CADM1: variants seen among roughly 807,000 people sequenced by gnomAD.
The protein encoded by CADM1 is TSLC-1.
A neutral mutation model predicts 53.1 loss-of-function variants in CADM1; 15 were observed. The ratio of observed to expected loss-of-function variants is 0.28; its 90% confidence interval spans 0.19 to 0.44. CADM1 has a LOEUF of 0.44. Ranked by LOEUF, CADM1 falls within the 20% of genes least tolerant of loss-of-function variation. CADM1 has a pLI of 1.00. For synonymous variants in CADM1, 281 were observed against 243.0 expected, an observed-to-expected ratio of 1.16 and a Z score of -1.45; for missense variants, 434 against 611.3, an observed-to-expected ratio of 0.71 and a Z score of 3.06.
At chr11:115,325,582 G>A (rs12270307) in intron 1 of CADM1, among the ~76,000 whole-genome samples, 2,152 of 152,038 alleles carry the variant, frequency 0.014, 52 homozygotes, top group African/African-American at 0.048. Flanking sequence ...ACTTCTACTC[G>A]GCACAATTAC....
At chr11:115,318,635 C>T (rs928637277) in intron 1 of CADM1, among the ~76,000 whole-genome samples, 3 of 151,932 alleles carry the variant, frequency 2.0e-5, no homozygotes, top group Admixed American at 2.0e-4. Flanking sequence ...ATAGTGAAGA[C>T]GGGTAGAAGG....
intron 1 of CADM1, among the ~76,000 whole-genome samples, chr11:115,244,077 C>T (rs1057135084): frequency 2.0e-5 from 3 of 152,154 alleles, no homozygotes; most frequent in Non-Finnish European, 4.4e-5. Flanking sequence ...ATTTGCCAGA[C>T]GATTCCTAAA....
chr11:115,399,691 C>CT (rs1565406850), intron 1 of CADM1, among the ~76,000 whole-genome samples: 1 of 152,064 alleles, frequency 6.6e-6, no homozygotes, highest in South Asian at 2.1e-4. Flanking sequence ...CATCCTCATT[C>CT]TTTTTTTAAC....
At chr11:115,297,939 T>A (rs7115100) in intron 1 of CADM1, among the ~76,000 whole-genome samples, 2 of 152,206 alleles carry the variant, frequency 1.3e-5, no homozygotes, top group African/African-American at 2.4e-5. Flanking sequence ...ACCTCTGGAC[T>A]GCACTGCATG....
chr11:115,394,310 T>C (rs1431816271), intron 1 of CADM1, among the ~76,000 whole-genome samples: 2 of 152,224 alleles, frequency 1.3e-5, no homozygotes, highest in African/African-American at 4.8e-5. Flanking sequence ...AGCAAACCTA[T>C]TACTTTTCTT....
chr11:115,251,152 C>T (rs2134972764), intron 1 of CADM1, among the ~76,000 whole-genome samples: 1 of 152,308 alleles, frequency 6.6e-6, no homozygotes, highest in Middle Eastern at 3.4e-3. Context: ...GATGTCTGTT[C>T]TGCCAAAGGA....
At chr11:115,223,082 T>C (rs774391226) in intron 5 of CADM1, among the ~76,000 whole-genome samples, 12 of 152,288 alleles carry the variant, frequency 7.9e-5, no homozygotes, top group Middle Eastern at 3.4e-3. Context: ...AATAAGTGAA[T>C]GAGAAAGTGA....
chr11:115,453,749 T>A (rs1300388495), intron 1 of CADM1, among the ~76,000 whole-genome samples: 1 of 152,118 alleles, frequency 6.6e-6, no homozygotes, highest in East Asian at 1.9e-4. Context: ...TCTGCCCACC[T>A]CGCCCTCCCA....
At position 115,504,374 on chromosome 11, in the gene CADM1, C is replaced by T. The variant is rs1397691387; in HGVS notation, c.21G>A (p.Pro7=). The change falls in exon 1 of 12, where the codon CCG becomes CCA. Residue 7 remains proline (P), a synonymous_variant. Transcript: ENST00000331581. ...CTGCCGCCGCACACTGGGATCCGCT[C>T]GGCAGCACTACACTCGCCATGTCGG... The part of the protein sequence containing the change: MASVVL[P]SGSQCAAAAA... The T allele has an allele frequency of 3.9e-6, 6 of 1,547,482 alleles. No individual in the cohort carries two copies. The East Asian group carries it at 7.3e-5, about 19-fold the overall frequency.
At chr11:115,281,162 C>G (rs906512534) in intron 1 of CADM1, among the ~76,000 whole-genome samples, 11 of 152,236 alleles carry the variant, frequency 7.2e-5, no homozygotes, top group Admixed American at 7.2e-4. Flanking sequence ...TATCTTTTTG[C>G]CTGAGCATTC....
chr11:115,469,876 T>G (rs1488904561), intron 1 of CADM1, among the ~76,000 whole-genome samples: 2 of 152,174 alleles, frequency 1.3e-5, no homozygotes, highest in Non-Finnish European at 2.9e-5. Flanking sequence ...TTCGCCATGT[T>G]GGCCAGGCTG....
At chr11:115,209,423 T>C in intron 8 of CADM1, 151 bp downstream of exon 8, 1 of 1,175,564 alleles carries the variant, frequency 8.5e-7, no homozygotes, top group Non-Finnish European at 1.2e-6. Flanking sequence ...AGATTCAACT[T>C]AAGAACATAG....
chr11:115,504,126 C>T lies in CADM1; in HGVS notation c.124+145G>A, dbSNP rs944834031. On this transcript the variant is annotated intron_variant, in intron 1 of 11. Coordinates refer to ENST00000331581, the MANE Select transcript of CADM1 (RefSeq NM_001301043.2). ...ATGCCCTCAGCCCCTTCCCTCTCAG[C>T]CCTGAGTTTCCTCTCCACACTCCCT... 7.3e-6 allele frequency: 9 copies of T among 1,235,042 alleles called. No homozygotes were observed. In the African/African-American group the frequency reaches 1.3e-4, roughly 18 times the overall value. The allele number at this position is 1,235,042 out of a possible 1,614,324, so 76.5% of individuals were successfully genotyped here.
chr11:115,218,163 G>T (rs1392601480), intron 5 of CADM1, 172 bp from the exon 6 acceptor site: 1 of 644,774 alleles, frequency 1.6e-6, no homozygotes, highest in Admixed American at 2.1e-5. Flanking sequence ...AAATTAAATT[G>T]ACTAATAACT....
chr11:115,421,474 T>C (rs953697007), intron 1 of CADM1, among the ~76,000 whole-genome samples: 1 of 152,232 alleles, frequency 6.6e-6, no homozygotes, highest in African/African-American at 2.4e-5. Flanking sequence ...GTAGCTGCAG[T>C]GCTTCACTAC....
intron 1 of CADM1, among the ~76,000 whole-genome samples, chr11:115,333,209 C>T (rs1945177986): frequency 6.6e-6 from 1 of 152,092 alleles, no homozygotes; most frequent in Admixed American, 6.6e-5. Flanking sequence ...CTAAAACATC[C>T]TCTACACTAC....
At chr11:115,206,799 C>CTTTATGTTACTG (rs1238519034) in intron 8 of CADM1, among the ~76,000 whole-genome samples, 2 of 28,484 alleles carry the variant, frequency 7.0e-5, no homozygotes, top group Non-Finnish European at 1.3e-4. Context: ...TAAGCTCAGG[C>CTTTATGTTACTG]TTTATGTTAC....
chr11:115,339,384 G>T (rs928407659), intron 1 of CADM1, among the ~76,000 whole-genome samples: 16 of 151,968 alleles, frequency 1.1e-4, no homozygotes, highest in Admixed American at 7.9e-4. Context: ...CAACCCAAAT[G>T]TCCAACAATG....
chr11:115,378,933 A>G (rs1052089125), intron 1 of CADM1, among the ~76,000 whole-genome samples: 3 of 152,178 alleles, frequency 2.0e-5, no homozygotes, highest in Non-Finnish European at 4.4e-5. Flanking sequence ...CTTTGATGGC[A>G]CATTACGTGA....
Sources: gnomAD v4.1 joint callset for allele counts (sites outside exome capture counted in the v4.1 genomes callset) on GRCh38, gnomAD v4.1.1 for gene constraint, MANE v1.5 for transcripts, NCBI Gene and HGNC (gene_info 2026-07-23, HGNC 2026-07-21) for gene names.